MIPOL1: variants seen among roughly 807,000 people sequenced by gnomAD.
MIPOL1 encodes mirror-image polydactyly 1.
MIPOL1 carries 57 observed loss-of-function variants against 60.9 expected under a neutral mutation model. The ratio of observed to expected loss-of-function variants is 0.94; its 90% CI spans 0.76 to 1.17. The LOEUF (loss-of-function observed/expected upper bound fraction) is 1.17. Among genes scored for constraint, MIPOL1 ranks in the 50% most tolerant of loss-of-function variants. The pLI is 0.00. For missense variants in MIPOL1, 551 were observed against 511.6 expected, an observed-to-expected ratio of 1.08 and a Z score of -0.74; for synonymous variants, 179 against 168.8, an observed-to-expected ratio of 1.06 and a Z score of -0.47.
intron 3 of MIPOL1, among the ~76,000 whole-genome samples, chr14:37,251,319 C>T (rs1008568752): frequency 1.3e-5 from 2 of 151,960 alleles, no homozygotes; most frequent in Admixed American, 1.3e-4. Context: ...TCTCCTGCCT[C>T]AGACTCCCAA....
At chr14:37,382,227 C>A (rs1172686596) in intron 10 of MIPOL1, among the ~76,000 whole-genome samples, 1 of 151,962 alleles carries the variant, frequency 6.6e-6, no homozygotes, top group African/African-American at 2.4e-5. Context: ...ATATTAAATT[C>A]TTTGATGAAT....
intron 12 of MIPOL1, among the ~76,000 whole-genome samples, chr14:37,540,321 T>C (rs971933984): frequency 6.6e-6 from 1 of 152,206 alleles, no homozygotes; most frequent in African/African-American, 2.4e-5. Context: ...TACCTTTCTC[T>C]TATCAATTTC....
chr14:37,533,948 G>T (rs1054279312), intron 12 of MIPOL1, among the ~76,000 whole-genome samples: 1 of 151,880 alleles, frequency 6.6e-6, no homozygotes, highest in African/African-American at 2.4e-5. Flanking sequence ...AATTAGCTGG[G>T]TATGATGGCA....
At chr14:37,453,391 A>G (rs2094443874) in intron 11 of MIPOL1, among the ~76,000 whole-genome samples, 1 of 152,080 alleles carries the variant, frequency 6.6e-6, no homozygotes, top group South Asian at 2.1e-4. Flanking sequence ...ATTTATACTC[A>G]TTGTATTTGA....
intron 10 of MIPOL1, among the ~76,000 whole-genome samples, chr14:37,417,387 T>G (rs1322258360): frequency 1.3e-5 from 2 of 152,118 alleles, no homozygotes; most frequent in Non-Finnish European, 2.9e-5. Flanking sequence ...AACCTCATTA[T>G]CTCTGGTCTG....
intron 1 of MIPOL1, among the ~76,000 whole-genome samples, chr14:37,201,444 G>A (rs1208388301): frequency 2.0e-5 from 3 of 152,028 alleles, no homozygotes; most frequent in African/African-American, 4.8e-5. Flanking sequence ...TAAAAGGCTA[G>A]GAAAGAAAAG....
At chr14:37,308,196 A>G in intron 8 of MIPOL1, 107 bp downstream of exon 8, 1 of 1,244,516 alleles carries the variant, frequency 8.0e-7, no homozygotes, top group Non-Finnish European at 1.1e-6. Flanking sequence ...AGAAGAATTG[A>G]CACACTAATA....
At chr14:37,445,564 A>G (rs1371288833) in intron 11 of MIPOL1, among the ~76,000 whole-genome samples, 1 of 151,488 alleles carries the variant, frequency 6.6e-6, no homozygotes, top group African/African-American at 2.4e-5. Flanking sequence ...CAGAATTGGA[A>G]AAAACTACTT....
At chr14:37,379,547 T>G (rs956925119) in intron 10 of MIPOL1, among the ~76,000 whole-genome samples, 3 of 152,120 alleles carry the variant, frequency 2.0e-5, no homozygotes, top group African/African-American at 4.8e-5. Context: ...ATGGGAAAAT[T>G]ATTTACAAAT....
intron 9 of MIPOL1, among the ~76,000 whole-genome samples, chr14:37,363,578 C>A (rs1182062440): frequency 4.6e-5 from 7 of 152,202 alleles, no homozygotes; most frequent in Admixed American, 4.6e-4. Context: ...AGTTAGGCTA[C>A]ATGATTGTCA....
intron 9 of MIPOL1, among the ~76,000 whole-genome samples, chr14:37,337,356 ATTTTTTTTTTTTT>A (rs33972471): frequency 3.3e-5 from 1 of 30,056 alleles, no homozygotes; most frequent in Non-Finnish European, 5.1e-5. Flanking sequence ...ATATATATAT[ATTTTTTTTTTTTT>A]TTTTTTTTTT....
chr14:37,295,058 G>C (rs943887836), intron 7 of MIPOL1, among the ~76,000 whole-genome samples: 3 of 152,188 alleles, frequency 2.0e-5, no homozygotes, highest in Admixed American at 6.5e-5. Flanking sequence ...CAGAGAGAAA[G>C]GTTGGGTTAC....
chr14:37,308,159 G>C, intron 8 of MIPOL1, 70 bp downstream of exon 8: 1 of 1,435,224 alleles, frequency 7.0e-7, no homozygotes, highest in East Asian at 2.3e-5. Flanking sequence ...CAATTGAGTG[G>C]GTTTCAAGAA....
intron 9 of MIPOL1, among the ~76,000 whole-genome samples, chr14:37,333,760 C>T (rs1412775439): frequency 6.6e-6 from 1 of 152,000 alleles, no homozygotes; most frequent in Non-Finnish European, 1.5e-5. Context: ...GGAAGAAATA[C>T]ACTATTTGGC....
chr14:37,248,975 A>AGGATGGATGGATGGATGGAT (rs3061903), intron 3 of MIPOL1, among the ~76,000 whole-genome samples: 15 of 149,410 alleles, frequency 1.0e-4, no homozygotes, highest in Non-Finnish European at 2.2e-4. Context: ...AACAAATGGA[A>AGGATGGATGGATGGATGGAT]GGATGGATGG....
intron 1 of MIPOL1, among the ~76,000 whole-genome samples, chr14:37,220,566 C>T (rs992918790): frequency 6.6e-6 from 1 of 152,136 alleles, no homozygotes; most frequent in African/African-American, 2.4e-5. Context: ...GAGCTGGCAC[C>T]ATGGGCTAGA....
At chr14:37,361,412 A>G (rs1046729206) in intron 9 of MIPOL1, among the ~76,000 whole-genome samples, 4 of 151,860 alleles carry the variant, frequency 2.6e-5, no homozygotes, top group Admixed American at 1.3e-4. Context: ...TGATCAGTCT[A>G]ATATTGACAG....
chr14:37,472,043 A>G (rs1279419191), intron 11 of MIPOL1, among the ~76,000 whole-genome samples: 2 of 152,208 alleles, frequency 1.3e-5, no homozygotes, highest in East Asian at 3.9e-4. Context: ...GGCATGTACC[A>G]GCTGAACCCT....
chr14:37,532,822 G>A (rs1159923439), intron 12 of MIPOL1, among the ~76,000 whole-genome samples: 2 of 151,974 alleles, frequency 1.3e-5, no homozygotes, highest in Admixed American at 6.6e-5. Context: ...ATTAGCTTAT[G>A]TATATATATG....
Sources: allele counts gnomAD v4.1 joint callset (sites outside exome capture counted in the v4.1 genomes callset), GRCh38; gene constraint gnomAD v4.1.1; transcripts MANE v1.5; gene names NCBI Gene and HGNC (gene_info 2026-07-23, HGNC 2026-07-21).